The following PTPRN2 variants were observed in gnomAD, a reference collection of about 807,000 sequenced individuals.
The protein encoded by PTPRN2 is receptor-type tyrosine-protein phosphatase N2.
Under a neutral mutation model 118.8 loss-of-function variants are expected in PTPRN2, and 74 were observed. The ratio of observed to expected loss-of-function variants is 0.62; its 90% CI spans 0.52 to 0.76. PTPRN2 has a LOEUF of 0.76. Among genes scored for constraint, PTPRN2 ranks in the 30% least tolerant of loss-of-function variants. PTPRN2 has a pLI of 0.00. For missense variants in PTPRN2, 1,481 were observed against 1,394.4 expected (o/e 1.06, Z -0.99); for synonymous variants, 641 against 608.0 (o/e 1.05, Z -0.80).
At chr7:157,663,689 G>A (rs1796004844) in intron 13 of PTPRN2, among the ~76,000 whole-genome samples, 1 of 152,212 alleles carries the variant, frequency 6.6e-6, no homozygotes, top group Admixed American at 6.5e-5. Flanking sequence ...TCCAGACGTG[G>A]GGGAAGCCAG....
In PTPRN2 at chr7:157,657,269, CA is replaced by C. The variant is rs1795565740; in HGVS notation, c.2002-719del. Reference sequence around the variant, plus strand: ...CACATCACACATATACACACACATACACCACACACACACCACACACATCACA... The same window carrying C: ...CACATCACACATATACACACACATACCCACACACACACCACACACATCACA... On this transcript the variant is annotated intron_variant, in intron 13 of 22. Coordinates refer to ENST00000389418, the MANE Select transcript of PTPRN2 (RefSeq NM_002847.5). 1.8e-4 allele frequency among the ~76,000 whole-genome samples: 12 copies of C among 67,144 alleles called. 1 individual carries two copies. The highest frequency in any genetic ancestry group is 3.1e-4 in the African/African-American group (5 of 16,126). The allele number at this position is 67,144 out of a possible 152,430, so 44.0% of individuals were successfully genotyped here. A position where few individuals can be genotyped will look rare whatever the true frequency, so the allele number is the denominator to read the frequency against.
At position 158,132,472 on chromosome 7, in the gene PTPRN2, C is replaced by G. The variant is rs538828027; in HGVS notation, c.1556+1205G>C. Among the ~76,000 whole-genome samples, 144 of 150,914 alleles carry G rather than the reference C, an allele frequency of 9.5e-4. 3 individuals carry two copies. The highest frequency in any genetic ancestry group is 3.1e-3 in the African/African-American group (128 of 40,812). The stretch of plus-strand genomic sequence containing the variant: ...CAAACATATCGACACAACACACACT[C>G]GTATACACACACGCACGCACATGCA... On this transcript the variant is annotated intron_variant, in intron 9 of 22. Coordinates refer to ENST00000389418, the MANE Select transcript of PTPRN2 (RefSeq NM_002847.5).
rs749460475 is a variant in PTPRN2, at chr7:157,595,306, C to G, written c.2428G>C (p.Asp810His). The G allele has an allele frequency of 2.5e-6, 4 of 1,614,116 alleles. No individual in the cohort carries two copies. The highest frequency in any genetic ancestry group is 1.3e-5 in the African/African-American group (1 of 75,022). ...GCGATGTACGCGGGGTTCCTCGGGT[C>G]GTGATCCATCTGCAGAGACAAGACC... Reference protein sequence around the residue: ...YINASPIMDHDPRNPAYIATQ... With the variant: ...YINASPIMDHHPRNPAYIATQ... Residue 810 changes from aspartate (D) to histidine (H), a missense_variant, in exon 17 of 23, where the codon GAC (aspartate) becomes CAC (histidine). Physicochemically the swap from Asp to His is moderately conservative, Grantham distance 81. This residue lies in a region of PTPRN2 where 362 missense variants were observed against 384.1 expected (regional missense o/e 0.94). Transcript: ENST00000389418.
chr7:157,679,072 A>AGT (rs994066182), intron 13 of PTPRN2, among the ~76,000 whole-genome samples: 7 of 151,768 alleles, frequency 4.6e-5, no homozygotes, highest in East Asian at 1.9e-4. Flanking sequence ...CATTATCCTT[A>AGT]GTGTGTGTGT....
chr7:157,704,357 A>G (rs776830671), intron 12 of PTPRN2, among the ~76,000 whole-genome samples: 114 of 152,206 alleles, frequency 7.5e-4, no homozygotes, highest in Non-Finnish European at 1.1e-3. Flanking sequence ...AGGAGCTCCG[A>G]CCTTGGTTTT....
At chr7:158,113,877 T>A (rs1434684973) in intron 9 of PTPRN2, among the ~76,000 whole-genome samples, 1 of 152,120 alleles carries the variant, frequency 6.6e-6, no homozygotes, top group Non-Finnish European at 1.5e-5. Flanking sequence ...CAGGCCGCCT[T>A]CCACTCAGGG....
At chr7:157,689,984 C>A (rs993410754) in intron 12 of PTPRN2, among the ~76,000 whole-genome samples, 2 of 152,222 alleles carry the variant, frequency 1.3e-5, no homozygotes, top group Non-Finnish European at 2.9e-5. Flanking sequence ...TGGCTGCTCG[C>A]CCCTTCCCTC....
chr7:158,141,048 A>AG (rs1400517227), intron 6 of PTPRN2, among the ~76,000 whole-genome samples: 1 of 151,948 alleles, frequency 6.6e-6, no homozygotes, highest in African/African-American at 2.4e-5. Flanking sequence ...CCTCCACTGT[A>AG]GGGGGGTCCC....
intron 1 of PTPRN2, among the ~76,000 whole-genome samples, chr7:158,554,960 G>A (rs1563428677): frequency 6.6e-6 from 1 of 152,072 alleles, no homozygotes; most frequent in Non-Finnish European, 1.5e-5. Context: ...CCTCACCCAC[G>A]ACCCGGGGAC....
chr7:157,928,084 A>G (rs1799130696), intron 11 of PTPRN2, among the ~76,000 whole-genome samples: 2 of 152,194 alleles, frequency 1.3e-5, no homozygotes, highest in Admixed American at 1.3e-4. Context: ...ACTTACTGGG[A>G]ACATGCACTG....
chr7:158,334,906 A>G, intron 2 of PTPRN2, among the ~76,000 whole-genome samples: 1 of 13,558 alleles, frequency 7.4e-5, no homozygotes, highest in African/African-American at 1.7e-4. Context: ...CGTCACTCAC[A>G]CCCACACTCT....
chr7:158,374,871 G>A (rs539623147), intron 2 of PTPRN2, among the ~76,000 whole-genome samples: 1 of 152,258 alleles, frequency 6.6e-6, no homozygotes, highest in African/African-American at 2.4e-5. Context: ...CTGCATGCTG[G>A]GTGCATTTGC....
At chr7:157,657,224 C>T (rs111161527) in intron 13 of PTPRN2, among the ~76,000 whole-genome samples, 25 of 113,862 alleles carry the variant, frequency 2.2e-4, no homozygotes, top group South Asian at 3.1e-4. Context: ...CACACACATA[C>T]GCCACACACA....
At chr7:158,524,840 A>T (rs1824648696) in intron 1 of PTPRN2, among the ~76,000 whole-genome samples, 1 of 152,170 alleles carries the variant, frequency 6.6e-6, no homozygotes, top group African/African-American at 2.4e-5. Context: ...TGGCTTTCAC[A>T]GCCCTCAAAT....
intron 12 of PTPRN2, among the ~76,000 whole-genome samples, chr7:157,848,400 T>C (rs1482856254): frequency 6.6e-6 from 1 of 151,956 alleles, no homozygotes; most frequent in African/African-American, 2.4e-5. Flanking sequence ...ATGTGCCCAA[T>C]GTTTACAGAG....
chr7:158,255,285 T>G lies in PTPRN2; in HGVS notation c.278-50012A>C, dbSNP rs1796952290. Among the ~76,000 whole-genome samples, 4 of 152,228 alleles carry G rather than the reference T, an allele frequency of 2.6e-5. No individual in the cohort carries two copies. In the South Asian group the frequency reaches 8.3e-4, roughly 32 times the overall value. The stretch of plus-strand genomic sequence containing the variant: ...TTATCTGACCGTTTCTACAAGCATC[T>G]CTCAAATCACACCACAGAGGAAACC... On this transcript the variant is annotated intron_variant, in intron 3 of 22. Coordinates refer to ENST00000389418, the MANE Select transcript of PTPRN2 (RefSeq NM_002847.5).
chr7:157,941,924 T>C lies in PTPRN2; in HGVS notation c.1724-43187A>G, dbSNP rs1800153812. Among the ~76,000 whole-genome samples the C allele has an allele frequency of 2.6e-5, 4 of 152,260 alleles. No homozygotes were observed. The South Asian group carries it at 8.3e-4, about 32-fold the overall frequency. On this transcript the variant is annotated intron_variant, in intron 11 of 22. Coordinates refer to ENST00000389418, the MANE Select transcript of PTPRN2 (RefSeq NM_002847.5). ...TCTCTGCAGGACTTTTGCTAAGTGG[T>C]TGGTCCCCTGCAGCAACACACAGGG...
intron 10 of PTPRN2, among the ~76,000 whole-genome samples, chr7:158,092,831 G>T (rs1252384364): frequency 6.6e-6 from 1 of 152,166 alleles, no homozygotes; most frequent in East Asian, 1.9e-4. Flanking sequence ...AGAGGCACAG[G>T]GGAACTTCCA....
chr7:158,569,903 G>T (rs531203143), intron 1 of PTPRN2, among the ~76,000 whole-genome samples: 1 of 151,786 alleles, frequency 6.6e-6, no homozygotes, highest in Non-Finnish European at 1.5e-5. Context: ...AACTCGGGGC[G>T]CGAGGCCGCC....
Sources: gnomAD v4.1 joint callset for allele counts (sites outside exome capture counted in the v4.1 genomes callset) on GRCh38, gnomAD v4.1.1 for gene constraint, gnomAD v4.1.1 regional missense constraint, MANE v1.5 for transcripts, NCBI Gene and HGNC (gene_info 2026-07-23, HGNC 2026-07-21) for gene names.